The following CNTNAP2 variants were observed in gnomAD, a reference collection of about 807,000 sequenced individuals.
CNTNAP2 encodes the protein contactin-associated protein-like 2.
CNTNAP2 carries 98 observed loss-of-function variants against 155.2 expected under a neutral mutation model. The ratio of observed to expected loss-of-function variants is 0.63; its 90% confidence interval spans 0.54 to 0.75. The LOEUF (loss-of-function observed/expected upper bound fraction) is 0.75, where lower values mean the gene tolerates loss of function less well. Among genes scored for constraint, CNTNAP2 ranks in the 30% least tolerant of loss-of-function variants. The pLI is 0.00. For synonymous variants in CNTNAP2, 651 were observed against 631.2 expected, an observed-to-expected ratio of 1.03 and a Z score of -0.47; for missense variants, 1,727 against 1,688.1, an observed-to-expected ratio of 1.02 and a Z score of -0.40.
At chr7:147,129,296 C>T (rs1266276446) in intron 7 of CNTNAP2, among the ~76,000 whole-genome samples, 1 of 152,156 alleles carries the variant, frequency 6.6e-6, no homozygotes, top group Non-Finnish European at 1.5e-5. Context: ...TAAATAAATA[C>T]ACTTTTTAGC....
At chr7:147,896,112 G>A (rs189650478) in intron 13 of CNTNAP2, among the ~76,000 whole-genome samples, 1 of 152,326 alleles carries the variant, frequency 6.6e-6, no homozygotes. Context: ...GGGAGAAGAA[G>A]CTGGGAAACC....
intron 13 of CNTNAP2, among the ~76,000 whole-genome samples, chr7:147,678,474 C>A (rs1394985576): frequency 1.3e-5 from 2 of 151,864 alleles, no homozygotes; most frequent in African/African-American, 2.4e-5. Flanking sequence ...AATCATATGT[C>A]TTTCAAGGTC....
At chr7:146,630,514 A>G (rs1421615051) in intron 1 of CNTNAP2, among the ~76,000 whole-genome samples, 1 of 152,112 alleles carries the variant, frequency 6.6e-6, no homozygotes, top group Non-Finnish European at 1.5e-5. Flanking sequence ...TGATGCTGGA[A>G]CAAATGGTAT....
intron 1 of CNTNAP2, among the ~76,000 whole-genome samples, chr7:146,279,250 A>T (rs1472216793): frequency 2.1e-4 from 32 of 152,136 alleles, no homozygotes; most frequent in Non-Finnish European, 2.9e-5. Context: ...ATTGCTACCA[A>T]GTATATTACA....
Position 146,913,816 on chromosome 7 carries a change from C to A in CNTNAP2, c.402+73912C>A, listed in dbSNP as rs370148891. Among the ~76,000 whole-genome samples the A allele has an allele frequency of 5.3e-5, 8 of 151,292 alleles. No individual in the cohort carries two copies. The South Asian group carries it at 1.7e-3, about 32-fold the overall frequency. On this transcript the variant is annotated intron_variant, in intron 3 of 23. Coordinates refer to ENST00000361727, the MANE Select transcript of CNTNAP2 (RefSeq NM_014141.6). ...TGGTGTTTGGTGACATGAACAAGTT[C>A]TTTAGTGGTGATTTCTGAGATTTTG...
intron 12 of CNTNAP2, among the ~76,000 whole-genome samples, chr7:147,596,122 T>C (rs1800823304): frequency 6.6e-6 from 1 of 152,130 alleles, no homozygotes; most frequent in Admixed American, 6.6e-5. Flanking sequence ...ATCCCCAATC[T>C]GACTTGTTAA....
chr7:146,127,590 C>T (rs570100781), intron 1 of CNTNAP2, among the ~76,000 whole-genome samples: 4 of 152,226 alleles, frequency 2.6e-5, no homozygotes, highest in African/African-American at 9.6e-5. Context: ...CTTTTTCTAC[C>T]GGATTTTATT....
At chr7:147,085,853 C>T (rs1353139367) in intron 4 of CNTNAP2, 1 of 152,230 alleles carries the variant, frequency 6.6e-6, no homozygotes, top group African/African-American at 2.4e-5. Context: ...TAGCAATAAA[C>T]ATATCATTTG....
intron 21 of CNTNAP2, among the ~76,000 whole-genome samples, chr7:148,270,053 T>C (rs1388466896): frequency 6.6e-6 from 1 of 152,224 alleles, no homozygotes; most frequent in African/African-American, 2.4e-5. Context: ...TTGGATGATT[T>C]CTAGGTTCTG....
At chr7:148,218,487 G>A (rs1396347145) in intron 19 of CNTNAP2, among the ~76,000 whole-genome samples, 3 of 152,064 alleles carry the variant, frequency 2.0e-5, no homozygotes, top group Admixed American at 1.3e-4. Flanking sequence ...AACCTCTCAG[G>A]CTCAAGCGAT....
At chr7:147,865,305 G>T (rs1272666519) in intron 13 of CNTNAP2, among the ~76,000 whole-genome samples, 1 of 152,160 alleles carries the variant, frequency 6.6e-6, no homozygotes. Context: ...TAAGCTTTTT[G>T]ATATGCTGCT....
In CNTNAP2 at chr7:148,147,616, G is replaced by A. The variant is rs745557990; in HGVS notation, c.2680G>A (p.Ala894Thr). Reference sequence around the variant, plus strand: ...CACTGCAGAGAGGAATGTCAAGCAGGCCAGCCTACAGGTGGACCGGCTACC... The same window carrying A: ...CACTGCAGAGAGGAATGTCAAGCAGACCAGCCTACAGGTGGACCGGCTACC... ...RVTAERNVKQASLQVDRLPQQ... is the reference protein window; with the variant it reads ...RVTAERNVKQTSLQVDRLPQQ... The change falls in exon 17 of 24, where the codon GCC becomes ACC. Residue 894 changes from alanine to threonine, a missense_variant. Coordinates refer to ENST00000361727, the MANE Select transcript of CNTNAP2 (RefSeq NM_014141.6). The A allele has an allele frequency of 6.2e-7, 1 of 1,613,966 alleles. No homozygotes were observed. Among genetic ancestry groups the A allele is most frequent in the African/African-American group, 1.3e-5 (1 of 74,886 alleles).
chr7:147,189,830 C>T (rs1034234538), intron 8 of CNTNAP2, among the ~76,000 whole-genome samples: 30 of 152,056 alleles, frequency 2.0e-4, no homozygotes, highest in Admixed American at 1.4e-3. Flanking sequence ...CTGTAAGCTC[C>T]GCCCCCCAAG....
intron 14 of CNTNAP2, among the ~76,000 whole-genome samples, chr7:147,933,544 T>TAA (rs59605744): frequency 0.034 from 2,600 of 77,482 alleles, 63 homozygotes; most frequent in African/African-American, 0.066. Context: ...TAGATAGATA[T>TAA]AACAGAATAT....
intron 10 of CNTNAP2, among the ~76,000 whole-genome samples, chr7:147,421,585 C>CTGTGTGTGTGTGTG (rs55983110): frequency 0.22 from 31,147 of 143,336 alleles, 4,114 homozygotes; most frequent in Non-Finnish European, 0.3. Flanking sequence ...TCTATCTAAT[C>CTGTGTGTGTGTGTG]TGTGTGTGTG....
chr7:148,323,139 G>A (rs150620027), intron 21 of CNTNAP2, among the ~76,000 whole-genome samples: 5 of 152,052 alleles, frequency 3.3e-5, no homozygotes, highest in African/African-American at 1.2e-4. Context: ...CCCATTTTAC[G>A]TGAGAAGAAA....
At chr7:147,595,018 G>A (rs554751144) in intron 12 of CNTNAP2, among the ~76,000 whole-genome samples, 2 of 152,138 alleles carry the variant, frequency 1.3e-5, no homozygotes, top group Non-Finnish European at 2.9e-5. Context: ...GGATAGCAGA[G>A]AGAGGAACAA....
At chr7:148,124,681 A>G (rs996144638) in intron 16 of CNTNAP2, among the ~76,000 whole-genome samples, 3 of 152,226 alleles carry the variant, frequency 2.0e-5, no homozygotes, top group African/African-American at 7.2e-5. Context: ...TAGGTTATTA[A>G]CTTTTGTAGT....
At chr7:148,108,444 G>C (rs1278781310) in intron 15 of CNTNAP2, among the ~76,000 whole-genome samples, 1 of 152,134 alleles carries the variant, frequency 6.6e-6, no homozygotes, top group African/African-American at 2.4e-5. Context: ...AGGAAGGAAA[G>C]AGATGACGAG....
Sources: gnomAD v4.1 joint callset for allele counts (sites outside exome capture counted in the v4.1 genomes callset) on GRCh38, gnomAD v4.1.1 for gene constraint, MANE v1.5 for transcripts, NCBI Gene and HGNC (gene_info 2026-07-23, HGNC 2026-07-21) for gene names.